Variants in SGK2 observed in about 807,000 individuals in gnomAD.
The protein encoded by SGK2 is serum/glucocorticoid regulated kinase 2.
SGK2 carries 36 observed loss-of-function variants against 47.5 expected under a neutral mutation model. The ratio of observed to expected loss-of-function variants is 0.76; its 90% CI spans 0.58 to 1.00. SGK2 has a LOEUF of 1.00. Among genes scored for constraint, SGK2 ranks in the 50% least tolerant of loss-of-function variants. The pLI, the probability that SGK2 is intolerant of heterozygous loss-of-function variation, is 0.00. For missense variants in SGK2, 404 were observed against 467.4 expected, an observed-to-expected ratio of 0.86 and a Z score of 1.25; for synonymous variants, 157 against 181.9, an observed-to-expected ratio of 0.86 and a Z score of 1.10.
chr20:43,568,479 A>G (rs913249192), intron 5 of SGK2, among the ~76,000 whole-genome samples: 1 of 150,350 alleles, frequency 6.7e-6, no homozygotes, highest in Non-Finnish European at 1.5e-5. Context: ...ACAGCACATC[A>G]TGGACTTCTT....
chr20:43,560,397 G>A (rs2145523163), intron 1 of SGK2, among the ~76,000 whole-genome samples: 1 of 151,836 alleles, frequency 6.6e-6, no homozygotes, highest in Non-Finnish European at 1.5e-5. Flanking sequence ...TATTTGGGAG[G>A]CTGAGACAGG....
chr20:43,562,831 T>C (rs913366199), intron 1 of SGK2, among the ~76,000 whole-genome samples: 5 of 150,054 alleles, frequency 3.3e-5, no homozygotes, highest in African/African-American at 1.2e-4. Context: ...AATCCAGAGT[T>C]CAGGAGAGAA....
At position 43,584,985 on chromosome 20, in the gene SGK2, C is replaced by T. The variant is rs140923021; in HGVS notation, c.1073C>T (p.Ala358Val). ...ASSAFLGFSY[A>V]PEDDDILDC ...AGTGCATTCCTGGGATTTTCTTATGCGCCAGAGGATGATGACATCTTGGAT... is the reference window on the plus strand; with the variant it reads ...AGTGCATTCCTGGGATTTTCTTATGTGCCAGAGGATGATGACATCTTGGAT... Residue 358 changes from alanine (A) to valine (V), a missense_variant, in exon 13 of 13, where the codon GCG becomes GTG. Physicochemically the swap from Ala to Val is moderately conservative, Grantham distance 64. Transcript: ENST00000373100. The T allele has an allele frequency of 2.2e-5, 35 of 1,613,802 alleles. No homozygotes were observed. Among genetic ancestry groups the T allele is most frequent in the African/African-American group, 5.3e-5 (4 of 74,894 alleles).
In SGK2 at chr20:43,572,025, C is replaced by A; in HGVS notation, c.511-26C>A. 1 of 1,531,874 alleles carries A rather than the reference C, an allele frequency of 6.5e-7. No homozygotes were observed. Among genetic ancestry groups the A allele is most frequent in the Non-Finnish European group, 8.8e-7 (1 of 1,131,152 alleles). 94.9% of individuals were successfully genotyped at this position (1,531,874 alleles called of 1,614,324 possible). A position where few individuals can be genotyped will look rare whatever the true frequency, so the allele number is the denominator to read the frequency against. ...CATACCCTTGGCTCATACCACCCTCCAGCCCATGCCCTCCGTCATTCTCAG... is the reference window on the plus strand; with the variant it reads ...CATACCCTTGGCTCATACCACCCTCAAGCCCATGCCCTCCGTCATTCTCAG... On this transcript the variant is annotated intron_variant, in intron 8 of 12. Transcript: ENST00000373100. This position sits in a 1 kb window ranked among gnomAD's most constrained non-coding sequence, Gnocchi z 4.2.
chr20:43,570,858 C>A, intron 7 of SGK2, 129 bp downstream of exon 7: 1 of 1,283,844 alleles, frequency 7.8e-7, no homozygotes, highest in Non-Finnish European at 1.1e-6. Flanking sequence ...GGGTTGGAGT[C>A]TCCTCCTCCG....
chr20:43,583,349 G>C, intron 12 of SGK2: 1 of 1,278,338 alleles, frequency 7.8e-7, no homozygotes, highest in South Asian at 1.3e-5. Flanking sequence ...TCCTGGTTTT[G>C]TCACCTACCA....
Position 43,572,010 on chromosome 20 carries a change from G to A in SGK2, c.511-41G>A, listed in dbSNP as rs1358614965. 3.4e-6 allele frequency: 5 copies of A among 1,461,448 alleles called. No individual in the cohort carries two copies. In the African/African-American group the frequency reaches 7.0e-5, roughly 21 times the overall value. The allele number at this position is 1,461,448 out of a possible 1,614,324, so 90.5% of individuals were successfully genotyped here. On this transcript the variant is annotated intron_variant, in intron 8 of 12. Coordinates refer to ENST00000373100, the MANE Select transcript of SGK2 (RefSeq NM_170693.3). This position sits in a 1 kb window ranked among gnomAD's most constrained non-coding sequence, Gnocchi z 4.2. ...GGGGTTAGGCCTGGCCATACCCTTG[G>A]CTCATACCACCCTCCAGCCCATGCC...
At chr20:43,570,401 G>A (rs946786931) in intron 6 of SGK2, among the ~76,000 whole-genome samples, 1 of 152,232 alleles carries the variant, frequency 6.6e-6, no homozygotes, top group African/African-American at 2.4e-5. Context: ...AACACAGGAG[G>A]TGCTTAAGCA....
chr20:43,571,048 C>T lies in SGK2; in HGVS notation c.498C>T (p.Leu166=), dbSNP rs201156038. ...GGGATCTGAAACCAGAGAACATTCT[C>T]TTGGACTGCCAGGTTGGTGTGTGTG... ...IYRDLKPENI[L]LDCQGHVVLT... is the part of the protein sequence containing the mutation. The change falls in exon 8 of 13, where the codon CTC becomes CTT. Residue 166 remains leucine, a synonymous_variant. Coordinates refer to ENST00000373100, the MANE Select transcript of SGK2 (RefSeq NM_170693.3). 2.6e-5 allele frequency: 41 copies of T among 1,605,290 alleles called. No homozygotes were observed. Among genetic ancestry groups the T allele is most frequent in the Admixed American group, 1.7e-5 (1 of 59,100 alleles).
At chr20:43,583,367 G>A (rs1980913130) in intron 12 of SGK2, 1 of 1,268,650 alleles carries the variant, frequency 7.9e-7, no homozygotes, top group Non-Finnish European at 1.0e-6. Flanking sequence ...CCATTTGTGA[G>A]GTCTTCAGTA....
chr20:43,582,148 A>G (rs1282332534), intron 12 of SGK2, among the ~76,000 whole-genome samples: 3 of 151,616 alleles, frequency 2.0e-5, no homozygotes, highest in Non-Finnish European at 4.4e-5. Flanking sequence ...CCTGGGGTCA[A>G]GCCATCCTCC....
chr20:43,564,379 A>T (rs1048595474), intron 1 of SGK2, among the ~76,000 whole-genome samples: 3 of 152,222 alleles, frequency 2.0e-5, no homozygotes, highest in African/African-American at 7.2e-5. Flanking sequence ...TTGGGAGGCG[A>T]AGGGCTCTCA....
intron 5 of SGK2, among the ~76,000 whole-genome samples, chr20:43,568,210 C>T (rs1979863773): frequency 6.6e-6 from 1 of 152,180 alleles, no homozygotes; most frequent in African/African-American, 2.4e-5. Context: ...TTCAGGAAAA[C>T]CAGCCTGGCT....
intron 3 of SGK2, 147 bp downstream of exon 3, chr20:43,567,264 C>A: frequency 1.4e-6 from 1 of 696,668 alleles, no homozygotes; most frequent in Non-Finnish European, 2.6e-6. Flanking sequence ...GCTCTATCTC[C>A]CACAAATTCC....
chr20:43,569,345 G>A lies in SGK2; in HGVS notation c.229-40G>A. 2.5e-6 allele frequency: 4 copies of A among 1,609,792 alleles called. No homozygotes were observed. In the Middle Eastern group the frequency reaches 5.0e-4, roughly 203 times the overall value. On this transcript the variant is annotated intron_variant, in intron 5 of 12. Coordinates refer to ENST00000373100, the MANE Select transcript of SGK2 (RefSeq NM_170693.3). ...CTGAGCCGGGATAAAAGAGGCTGTTGTGGGCTGTGACATGGACCCCTCTCT... is the reference window on the plus strand; with the variant it reads ...CTGAGCCGGGATAAAAGAGGCTGTTATGGGCTGTGACATGGACCCCTCTCT...
intron 8 of SGK2, 117 bp downstream of exon 8, chr20:43,571,177 A>T (rs1395892699): frequency 4.6e-6 from 7 of 1,509,814 alleles, no homozygotes; most frequent in Non-Finnish European, 5.4e-6. Flanking sequence ...ATGTATGCAT[A>T]TAGGTAGAGG....
chr20:43,576,225 C>A lies in SGK2; in HGVS notation c.695C>A (p.Pro232Gln). The A allele has an allele frequency of 1.2e-6, 2 of 1,613,856 alleles. No individual in the cohort carries two copies. Among genetic ancestry groups the A allele is most frequent in the Non-Finnish European group, 1.7e-6 (2 of 1,179,772 alleles). ...CAGCTGTTCTCCCTCTCTCCCCAGC[C>A]GCCCTTCTACAGCCAAGATGTATCC... The part of the protein sequence containing the change: ...AVLYEMLHGL[P>Q]PFYSQDVSQM... Residue 232 changes from proline (P) to glutamine (Q), a missense_variant and splice_region_variant, in exon 11 of 13, where the codon CCG becomes CAG. Pro to Gln is a moderately conservative substitution (Grantham distance 76). Transcript: ENST00000373100.
At chr20:43,583,457 G>GT in intron 12 of SGK2, 3 of 1,181,918 alleles carry the variant, frequency 2.5e-6, no homozygotes, top group Non-Finnish European at 3.2e-6. Flanking sequence ...GGAACTCTGA[G>GT]TGCTGGGCTG....
At chr20:43,578,120 G>C (rs1486337145) in intron 11 of SGK2, among the ~76,000 whole-genome samples, 2 of 152,094 alleles carry the variant, frequency 1.3e-5, no homozygotes, top group South Asian at 2.1e-4. Flanking sequence ...AAGGTAATTT[G>C]GATTTACAAA....
Sources: allele counts gnomAD v4.1 joint callset (sites outside exome capture counted in the v4.1 genomes callset), GRCh38; gene constraint gnomAD v4.1.1; non-coding constraint Gnocchi (gnomAD v3.1); transcripts MANE v1.5; gene names NCBI Gene and HGNC (gene_info 2026-07-23, HGNC 2026-07-21).